DPPA2: variants seen among roughly 807,000 people sequenced by gnomAD.
DPPA2 encodes developmental pluripotency-associated protein 2.
A neutral mutation model predicts 36.2 loss-of-function variants in DPPA2; 26 were observed. That is an observed-to-expected ratio of 0.72 (90% CI 0.53 to 1.00). The LOEUF (loss-of-function observed/expected upper bound fraction) is 1.00, where lower values mean the gene tolerates loss of function less well. Among genes scored for constraint, DPPA2 ranks in the 50% least tolerant of loss-of-function variants. The pLI is 0.00. For missense variants in DPPA2, 361 were observed against 365.1 expected (o/e 0.99, Z 0.09); for synonymous variants, 113 against 123.2 (o/e 0.92, Z 0.55).
chr3:109,299,598 A>T (rs1328600513), intron 8 of DPPA2, among the ~76,000 whole-genome samples: 1 of 150,372 alleles, frequency 6.7e-6, no homozygotes, highest in Admixed American at 6.6e-5. Context: ...AGGCAGGCGA[A>T]TTGCTTGAAC....
chr3:109,315,249 T>C (rs913647875), intron 1 of DPPA2, among the ~76,000 whole-genome samples: 1 of 152,228 alleles, frequency 6.6e-6, no homozygotes, highest in Non-Finnish European at 1.5e-5. Flanking sequence ...TTTACGCAGG[T>C]ATTTTATACC....
intron 6 of DPPA2, among the ~76,000 whole-genome samples, chr3:109,306,978 T>A (rs1053220409): frequency 6.6e-6 from 1 of 151,356 alleles, no homozygotes; most frequent in African/African-American, 2.4e-5. Context: ...GGCCAAGATT[T>A]TTTTTTTAAA....
At chr3:109,305,069 C>T (rs192191409) in intron 6 of DPPA2, among the ~76,000 whole-genome samples, 95 of 152,032 alleles carry the variant, frequency 6.2e-4, no homozygotes, top group African/African-American at 2.2e-3. Flanking sequence ...TAGCTTGAAC[C>T]CGGAAGGCAG....
At chr3:109,309,122 A>C in intron 4 of DPPA2, 43 bp from the exon 5 acceptor site, 1 of 1,613,848 alleles carries the variant, frequency 6.2e-7, no homozygotes, top group Non-Finnish European at 8.5e-7. Context: ...GTTGACAAAG[A>C]CTCCCATAAT....
intron 3 of DPPA2, among the ~76,000 whole-genome samples, chr3:109,312,061 G>C (rs1054148087): frequency 1.3e-5 from 2 of 152,160 alleles, no homozygotes; most frequent in Non-Finnish European, 2.9e-5. Flanking sequence ...AGGCAGTACA[G>C]GCCAGGCGTG....
chr3:109,304,735 A>G (rs936691387), intron 6 of DPPA2, 65 bp from the exon 7 acceptor site: 7 of 1,485,644 alleles, frequency 4.7e-6, no homozygotes, highest in Non-Finnish European at 5.4e-6. Flanking sequence ...ACCTCTCAGC[A>G]AGTCACTCTT....
In DPPA2 at chr3:109,293,820, G is replaced by T. The variant is rs1396623616; in HGVS notation, c.*207C>A. 1 of 152,124 alleles carries T rather than the reference G, an allele frequency of 6.6e-6. No homozygotes were observed. The highest frequency in any genetic ancestry group is 1.5e-5 in the Non-Finnish European group (1 of 68,014). 9.4% of individuals were successfully genotyped at this position (152,124 alleles called of 1,614,324 possible). A position where few individuals can be genotyped will look rare whatever the true frequency, so the allele number is the denominator to read the frequency against. ...CCAATTGCAGTGACTTTATTTTAAT[G>T]GGTTTTCAGACATACAGAAAGGGAT... On this transcript the variant is annotated 3_prime_UTR_variant, in exon 9 of 9. Transcript: ENST00000478945.
At chr3:109,313,403 A>G (rs1412345843) in intron 2 of DPPA2, among the ~76,000 whole-genome samples, 1 of 152,158 alleles carries the variant, frequency 6.6e-6, no homozygotes, top group Non-Finnish European at 1.5e-5. Context: ...GAAACACAGC[A>G]GTCTACACAG....
chr3:109,304,741 C>T (rs1707519394), intron 6 of DPPA2, 71 bp from the exon 7 acceptor site: 3 of 1,463,192 alleles, frequency 2.1e-6, no homozygotes, highest in Non-Finnish European at 1.8e-6. Context: ...CAGCAAGTCA[C>T]TCTTGAATTT....
intron 7 of DPPA2, among the ~76,000 whole-genome samples, chr3:109,302,565 T>C (rs940741351): frequency 1.3e-5 from 2 of 152,162 alleles, no homozygotes; most frequent in Non-Finnish European, 1.5e-5. Context: ...ACGATTCTCC[T>C]GCCTCAGCCT....
intron 8 of DPPA2, 123 bp from the exon 9 acceptor site, chr3:109,294,127 T>C (rs1707311049): frequency 6.6e-6 from 1 of 152,162 alleles, no homozygotes; most frequent in South Asian, 2.1e-4. Flanking sequence ...AAACGTAACT[T>C]TTAATAGAGA....
rs149547798 is a variant in DPPA2 at position 109,309,239 on chromosome 3, G to C, written c.273C>G (p.Pro91=). 1.4e-5 allele frequency: 23 copies of C among 1,614,028 alleles called. No individual in the cohort carries two copies. In the African/African-American group the frequency reaches 2.7e-4, roughly 19 times the overall value. ...AAGTGTCCCGACACACCTTATTAAT[G>C]GGAGGCAAAATGGTCGGCAAGGGAA... ...PALPLPTILP[P]INKVCRDTLR... The change falls in exon 4 of 9, where the codon CCC becomes CCG. Residue 91 remains proline (P), a synonymous_variant. Transcript: ENST00000478945.
intron 8 of DPPA2, among the ~76,000 whole-genome samples, chr3:109,299,961 G>A (rs1317077312): frequency 6.6e-6 from 1 of 152,096 alleles, no homozygotes; most frequent in Non-Finnish European, 1.5e-5. Flanking sequence ...ACTAATGCAA[G>A]TTACTAACAG....
intron 8 of DPPA2, among the ~76,000 whole-genome samples, chr3:109,299,102 G>A (rs1014459303): frequency 3.3e-5 from 5 of 151,584 alleles, no homozygotes; most frequent in Admixed American, 2.0e-4. Context: ...GCTCACGCCT[G>A]TAATCCTAGC....
chr3:109,304,465 T>G lies in DPPA2; in HGVS notation c.854+10A>C. On this transcript the variant is annotated intron_variant, in intron 7 of 8. Transcript: ENST00000478945. ...TGTGTGCCATGCTTAACAAGATACA[T>G]AAGGGTTACCTCTTAGCACAGTCGG... 1 of 1,600,838 alleles carries G rather than the reference T, an allele frequency of 6.2e-7. No homozygotes were observed. The highest frequency in any genetic ancestry group is 8.5e-7 in the Non-Finnish European group (1 of 1,174,258).
At chr3:109,304,150 A>G (rs1047394363) in intron 7 of DPPA2, among the ~76,000 whole-genome samples, 2 of 151,990 alleles carry the variant, frequency 1.3e-5, no homozygotes, top group African/African-American at 4.8e-5. Flanking sequence ...CATGCCTGTA[A>G]TCCCAGCTGA....
chr3:109,306,225 G>T (rs1707562055), intron 6 of DPPA2, among the ~76,000 whole-genome samples: 2 of 152,146 alleles, frequency 1.3e-5, no homozygotes, highest in Admixed American at 6.6e-5. Flanking sequence ...AGAATGAAGA[G>T]AAATATAAAA....
intron 5 of DPPA2, among the ~76,000 whole-genome samples, 194 bp downstream of exon 5, chr3:109,308,832 T>C (rs1317694418): frequency 6.6e-6 from 1 of 152,174 alleles, no homozygotes; most frequent in Non-Finnish European, 1.5e-5. Context: ...AGGCTGGGGA[T>C]GCTGCAAAAC....
intron 3 of DPPA2, among the ~76,000 whole-genome samples, chr3:109,310,160 G>T (rs1427601807): frequency 6.6e-6 from 1 of 150,510 alleles, no homozygotes; most frequent in African/African-American, 2.4e-5. Flanking sequence ...CCTGGGAGGC[G>T]GAGGTTGTGG....
Sources: gnomAD v4.1 joint callset for allele counts (sites outside exome capture counted in the v4.1 genomes callset) on GRCh38, gnomAD v4.1.1 for gene constraint, MANE v1.5 for transcripts, NCBI Gene and HGNC (gene_info 2026-07-23, HGNC 2026-07-21) for gene names.